The following LRRC37A2 variants were observed in gnomAD, a reference collection of about 807,000 sequenced individuals.
LRRC37A2 encodes the protein leucine-rich repeat-containing protein 37A2.
A neutral mutation model predicts 68.8 loss-of-function variants in LRRC37A2; 9 were observed. The observed-to-expected ratio is 0.13, with a 90% CI of 0.08 to 0.23. The LOEUF is 0.23. Among genes scored for constraint, LRRC37A2 ranks in the 10% least tolerant of loss-of-function variants. The pLI, the probability that LRRC37A2 is intolerant of heterozygous loss-of-function variation, is 1.00. For missense variants in LRRC37A2, 168 were observed against 950.4 expected (o/e 0.18, Z 10.82); for synonymous variants, 63 against 367.6 (o/e 0.17, Z 9.48).
chr17:46,542,246 C>CT (rs2055463645), intron 8 of LRRC37A2, among the ~76,000 whole-genome samples: 1 of 143,944 alleles, frequency 6.9e-6, no homozygotes, highest in African/African-American at 2.7e-5. Context: ...CCTAAGAAAT[C>CT]TTTAAGAACC....
chr17:46,721,972 G>A, the LRRC37A2 span: 33 of 1,603,868 alleles, frequency 2.1e-5, no homozygotes, highest in Non-Finnish European at 2.3e-5. Flanking sequence ...GTTGAGGAAC[G>A]GGAACAAAGA....
At chr17:46,733,393 C>T in the LRRC37A2 span, among the ~76,000 whole-genome samples, 1 of 151,840 alleles carries the variant, frequency 6.6e-6, no homozygotes, top group East Asian at 1.9e-4. Flanking sequence ...AAAAGGAACT[C>T]CTTGGGCTGT....
the LRRC37A2 span, among the ~76,000 whole-genome samples, chr17:46,495,903 C>T: frequency 8.4e-6 from 1 of 118,356 alleles, no homozygotes; most frequent in Non-Finnish European, 1.7e-5. Context: ...GGAACATACT[C>T]GTTATGATGA....
At chr17:46,820,441 G>T in the LRRC37A2 span, among the ~76,000 whole-genome samples, 1 of 151,914 alleles carries the variant, frequency 6.6e-6, no homozygotes. Flanking sequence ...GAAAACTGTC[G>T]GGGGGAGGCT....
chr17:46,887,886 G>A, the LRRC37A2 span, among the ~76,000 whole-genome samples: 1 of 152,142 alleles, frequency 6.6e-6, no homozygotes, highest in East Asian at 1.9e-4. Flanking sequence ...GAGACAGGCG[G>A]AGTCCCTGCT....
At chr17:46,736,144 A>G in the LRRC37A2 span, among the ~76,000 whole-genome samples, 1 of 152,150 alleles carries the variant, frequency 6.6e-6, no homozygotes, top group Non-Finnish European at 1.5e-5. Flanking sequence ...TCTCTCATTC[A>G]CTGAAATTTA....
the LRRC37A2 span, among the ~76,000 whole-genome samples, chr17:47,009,651 T>C: frequency 6.6e-6 from 1 of 152,158 alleles, no homozygotes; most frequent in African/African-American, 2.4e-5. Context: ...GTTTTGGCCA[T>C]AAATGGTTCC....
the LRRC37A2 span, among the ~76,000 whole-genome samples, chr17:46,812,373 G>T: frequency 6.6e-6 from 1 of 151,044 alleles, no homozygotes; most frequent in African/African-American, 2.4e-5. Context: ...AGCAGCTTCT[G>T]CCAGGAGCCA....
the LRRC37A2 span, among the ~76,000 whole-genome samples, chr17:46,622,599 G>A: frequency 3.4e-5 from 5 of 146,580 alleles, no homozygotes; most frequent in Non-Finnish European, 6.0e-5. Flanking sequence ...CCTGGGCAAC[G>A]TGATGAAACC....
the LRRC37A2 span, among the ~76,000 whole-genome samples, chr17:46,837,371 A>C: frequency 6.6e-6 from 1 of 152,190 alleles, no homozygotes; most frequent in Non-Finnish European, 1.5e-5. Flanking sequence ...GATGCTTCTT[A>C]GGCAGAATTT....
At chr17:46,838,320 C>T in the LRRC37A2 span, among the ~76,000 whole-genome samples, 1,526 of 145,096 alleles carry the variant, frequency 0.011, 19 homozygotes, top group Non-Finnish European at 0.016. Flanking sequence ...CGGGGCCTGC[C>T]TTAAAAAAAA....
chr17:46,935,971 C>T, the LRRC37A2 span: 1 of 985,764 alleles, frequency 1.0e-6, no homozygotes, highest in Admixed American at 6.1e-5. Flanking sequence ...GAAGTGTGAG[C>T]TTTATCTTAG....
chr17:46,552,340 C>A (rs1598552646), intron 11 of LRRC37A2, among the ~76,000 whole-genome samples: 1 of 5,634 alleles, frequency 1.8e-4, no homozygotes, highest in East Asian at 1.2e-3. Flanking sequence ...GGCTGGAGAG[C>A]AATGGTGTGA....
At chr17:46,595,462 A>G in the LRRC37A2 span, among the ~76,000 whole-genome samples, 5 of 97,972 alleles carry the variant, frequency 5.1e-5, no homozygotes, top group Non-Finnish European at 8.5e-5. Flanking sequence ...CAGCTATCAA[A>G]CATTGAATTT....
At chr17:46,898,293 T>C in the LRRC37A2 span, among the ~76,000 whole-genome samples, 167 of 149,792 alleles carry the variant, frequency 1.1e-3, no homozygotes, top group Non-Finnish European at 8.2e-4. Context: ...CTCAAAAACA[T>C]GCACAGAAAA....
the LRRC37A2 span, among the ~76,000 whole-genome samples, chr17:46,873,629 C>T: frequency 7.2e-5 from 11 of 152,180 alleles, no homozygotes; most frequent in East Asian, 3.9e-4. Context: ...GAGGCCGAAG[C>T]GGGTGGATCA....
the LRRC37A2 span, among the ~76,000 whole-genome samples, chr17:46,710,068 A>G: frequency 2.0e-5 from 3 of 152,248 alleles, no homozygotes; most frequent in African/African-American, 7.2e-5. Context: ...CTAAAGAACT[A>G]TTAAAACTAT....
chr17:46,826,810 T>G, the LRRC37A2 span, among the ~76,000 whole-genome samples: 1 of 143,238 alleles, frequency 7.0e-6, no homozygotes, highest in Admixed American at 7.3e-5. Context: ...TGAGATGAAG[T>G]CTCGCTCTAT....
At chr17:46,675,741 G>GA in the LRRC37A2 span, among the ~76,000 whole-genome samples, 1 of 122,104 alleles carries the variant, frequency 8.2e-6, no homozygotes, top group African/African-American at 3.5e-5. Flanking sequence ...GACAGTTTAA[G>GA]AACAATGCCA....
Sources: gnomAD v4.1 joint callset for allele counts (sites outside exome capture counted in the v4.1 genomes callset) on GRCh38, gnomAD v4.1.1 for gene constraint, MANE v1.5 for transcripts, NCBI Gene and HGNC (gene_info 2026-07-23, HGNC 2026-07-21) for gene names.